CADM2: variants seen among roughly 807,000 people sequenced by gnomAD.
CADM2 encodes the protein cell adhesion molecule 2, also known as immunoglobulin superfamily member 4D.
CADM2 carries 12 observed loss-of-function variants against 49.8 expected under a neutral mutation model. The observed-to-expected ratio is 0.24, with a 90% confidence interval of 0.15 to 0.39. CADM2 has a LOEUF of 0.39. Ranked by LOEUF, CADM2 falls within the 10% of genes least tolerant of loss-of-function variation. CADM2 has a pLI of 1.00. For synonymous variants in CADM2, 214 were observed against 175.4 expected (o/e 1.22, Z -1.74); for missense variants, 378 against 492.3 (o/e 0.77, Z 2.20).
At chr3:85,251,976 A>T (rs1449080350) in intron 1 of CADM2, among the ~76,000 whole-genome samples, 1 of 151,982 alleles carries the variant, frequency 6.6e-6, no homozygotes. Context: ...AATGGTCAAT[A>T]TCTCCACCAC....
intron 3 of CADM2, among the ~76,000 whole-genome samples, chr3:85,876,857 C>T (rs1451379457): frequency 2.6e-5 from 4 of 152,014 alleles, no homozygotes; most frequent in East Asian, 1.9e-4. Flanking sequence ...TATGCTGGTA[C>T]CTTTTGTTAG....
rs181430910 is a variant in CADM2 at position 86,045,912 on chromosome 3, T to G, written c.971-19693T>G. Reference sequence around the variant, plus strand: ...GGACAGCAGACTCTTTTTTGTCCTCTTTCACAACTTGAAAGTGACAGTGTC... The same window carrying G: ...GGACAGCAGACTCTTTTTTGTCCTCGTTCACAACTTGAAAGTGACAGTGTC... On this transcript the variant is annotated intron_variant, in intron 8 of 9. Coordinates refer to ENST00000383699, the MANE Select transcript of CADM2 (RefSeq NM_001167675.2). 2.1e-3 allele frequency among the ~76,000 whole-genome samples: 313 copies of G among 152,294 alleles called. 1 individual carries two copies. Among genetic ancestry groups the G allele is most frequent in the Non-Finnish European group, 2.9e-3 (195 of 68,018 alleles).
intron 2 of CADM2, among the ~76,000 whole-genome samples, chr3:85,751,679 G>T (rs988915717): frequency 2.0e-5 from 3 of 152,114 alleles, no homozygotes; most frequent in Admixed American, 2.0e-4. Context: ...GTACCCATTT[G>T]CTTTGCATGG....
In CADM2 at chr3:85,376,548, C is replaced by T. The variant is rs371484602; in HGVS notation, c.62-349974C>T. On this transcript the variant is annotated intron_variant, in intron 1 of 9. Transcript: ENST00000383699. ...AGCAACTAAAAATTTAGTAGTAATG[C>T]TTTAATGGATGAAAAATAAACTGAA... Among the ~76,000 whole-genome samples, 34 of 152,092 alleles carry T rather than the reference C, an allele frequency of 2.2e-4. No homozygotes were observed. In the East Asian group the frequency reaches 3.5e-3, roughly 16 times the overall value.
Position 85,466,677 on chromosome 3 carries a change from C to T in CADM2, c.62-259845C>T, listed in dbSNP as rs577520411. On this transcript the variant is annotated intron_variant, in intron 1 of 9. Transcript: ENST00000383699. Reference sequence around the variant, plus strand: ...AGGAAGACATATTTAGGCAAAGATACGTTTAGGAGATAAACATTTTGCCAA... The same window carrying T: ...AGGAAGACATATTTAGGCAAAGATATGTTTAGGAGATAAACATTTTGCCAA... Among the ~76,000 whole-genome samples the T allele has an allele frequency of 7.2e-4, 110 of 151,818 alleles. 1 individual carries two copies. The highest frequency in any genetic ancestry group is 3.4e-3 in the Middle Eastern group (1 of 294).
intron 4 of CADM2, among the ~76,000 whole-genome samples, chr3:85,885,431 G>A (rs1713463101): frequency 6.6e-6 from 1 of 151,836 alleles, no homozygotes; most frequent in Non-Finnish European, 1.5e-5. Context: ...CCAGCACTTT[G>A]GGAGGCTGAA....
At chr3:85,073,459 A>T (rs762823919) in intron 1 of CADM2, among the ~76,000 whole-genome samples, 1 of 152,164 alleles carries the variant, frequency 6.6e-6, no homozygotes, top group Non-Finnish European at 1.5e-5. Flanking sequence ...AATGATGGTT[A>T]TTCAAAATAA....
intron 1 of CADM2, among the ~76,000 whole-genome samples, chr3:85,209,597 AAG>A (rs1257209841): frequency 6.6e-6 from 1 of 152,102 alleles, no homozygotes; most frequent in East Asian, 1.9e-4. Flanking sequence ...TCTGTAAATA[AAG>A]AGTCTTGAAT....
intron 8 of CADM2, among the ~76,000 whole-genome samples, chr3:86,011,802 C>A (rs140276798): frequency 6.6e-6 from 1 of 151,732 alleles, no homozygotes; most frequent in South Asian, 2.1e-4. Context: ...AAGGTGGAAA[C>A]GTACGAACAT....
intron 1 of CADM2, among the ~76,000 whole-genome samples, chr3:85,595,704 C>T (rs760875049): frequency 6.6e-6 from 1 of 151,890 alleles, no homozygotes; most frequent in East Asian, 1.9e-4. Context: ...TTCTGAATCT[C>T]TTCTGTCACA....
intron 1 of CADM2, among the ~76,000 whole-genome samples, chr3:85,322,919 T>C (rs776300393): frequency 6.6e-6 from 1 of 152,176 alleles, no homozygotes; most frequent in Non-Finnish European, 1.5e-5. Context: ...CCAGATACTT[T>C]TAGAAACAAA....
intron 5 of CADM2, among the ~76,000 whole-genome samples, chr3:85,911,133 T>C (rs1717528458): frequency 1.3e-5 from 2 of 152,160 alleles, no homozygotes; most frequent in Non-Finnish European, 2.9e-5. Flanking sequence ...GTTTATTTGA[T>C]ACTGAATGAT....
intron 1 of CADM2, among the ~76,000 whole-genome samples, chr3:85,346,939 A>C (rs2107218629): frequency 6.6e-6 from 1 of 152,340 alleles, no homozygotes; most frequent in African/African-American, 2.4e-5. Context: ...TTTAGTATAT[A>C]AACTACAAGT....
intron 1 of CADM2, among the ~76,000 whole-genome samples, chr3:85,182,479 G>C (rs2040960525): frequency 6.6e-6 from 1 of 151,956 alleles, no homozygotes; most frequent in Admixed American, 6.6e-5. Context: ...AGAAACATCA[G>C]ACAATCCCAA....
At chr3:85,183,380 A>G (rs368030109) in intron 1 of CADM2, among the ~76,000 whole-genome samples, 1 of 152,146 alleles carries the variant, frequency 6.6e-6, no homozygotes, top group Non-Finnish European at 1.5e-5. Context: ...ATATTATCCT[A>G]TAAGAAAGCA....
intron 1 of CADM2, among the ~76,000 whole-genome samples, chr3:85,653,738 C>T (rs2065121224): frequency 6.6e-6 from 1 of 152,038 alleles, no homozygotes; most frequent in African/African-American, 2.4e-5. Context: ...TATACGGCAT[C>T]ACCTAGGGAG....
At chr3:85,065,552 C>T (rs576817009) in intron 1 of CADM2, among the ~76,000 whole-genome samples, 1 of 152,212 alleles carries the variant, frequency 6.6e-6, no homozygotes, top group South Asian at 2.1e-4. Context: ...GTAACAAGTT[C>T]ATAATTAACA....
chr3:85,636,862 A>G (rs571401994), intron 1 of CADM2, among the ~76,000 whole-genome samples: 4 of 152,306 alleles, frequency 2.6e-5, no homozygotes, highest in African/African-American at 7.2e-5. Context: ...ACCTAGGTAT[A>G]TGGTAGGACA....
intron 1 of CADM2, among the ~76,000 whole-genome samples, chr3:85,473,886 G>T (rs903454712): frequency 2.0e-5 from 3 of 151,888 alleles, no homozygotes; most frequent in Non-Finnish European, 4.4e-5. Flanking sequence ...GTCAAATCCA[G>T]CAATGCCTCT....
Sources: allele counts gnomAD v4.1 joint callset (sites outside exome capture counted in the v4.1 genomes callset), GRCh38; gene constraint gnomAD v4.1.1; transcripts MANE v1.5; gene names NCBI Gene and HGNC (gene_info 2026-07-23, HGNC 2026-07-21).